UXS1: variants seen among roughly 807,000 people sequenced by gnomAD.
UXS1 encodes the protein UDP-glucuronic acid decarboxylase 1.
In UXS1, 33 loss-of-function variants were observed where a neutral mutation model predicts 62.6. The ratio of observed to expected loss-of-function variants is 0.53; its 90% CI spans 0.40 to 0.70. The LOEUF (loss-of-function observed/expected upper bound fraction) is 0.70. Ranked by LOEUF, UXS1 falls within the 30% of genes least tolerant of loss-of-function variation. The pLI is 0.00. For synonymous variants in UXS1, 213 were observed against 206.8 expected (o/e 1.03, Z -0.26); for missense variants, 434 against 556.3 (o/e 0.78, Z 2.21).
At chr2:106,095,925 G>C (rs1677042589) in intron 14 of UXS1, among the ~76,000 whole-genome samples, 1 of 152,208 alleles carries the variant, frequency 6.6e-6, no homozygotes, top group Admixed American at 6.5e-5. Flanking sequence ...GCGGGGTTCA[G>C]GCTCAGCCCC....
chr2:106,167,128 C>T (rs1008877129), intron 1 of UXS1, among the ~76,000 whole-genome samples: 5 of 152,126 alleles, frequency 3.3e-5, no homozygotes, highest in Non-Finnish European at 7.4e-5. Context: ...ATAAGTCAGC[C>T]CTGAATCAAC....
At chr2:106,145,103 T>A (rs1681456607) in intron 6 of UXS1, 87 bp downstream of exon 6, 2 of 1,440,646 alleles carry the variant, frequency 1.4e-6, no homozygotes, top group Admixed American at 2.1e-5. Flanking sequence ...ATGTGCTGAG[T>A]CAAACAGCTT....
At chr2:106,181,985 T>C (rs1430340570) in intron 1 of UXS1, among the ~76,000 whole-genome samples, 1 of 152,252 alleles carries the variant, frequency 6.6e-6, no homozygotes, top group Non-Finnish European at 1.5e-5. Context: ...AGATGGATTA[T>C]GACTTCAGGG....
At chr2:106,168,950 A>C (rs1286225615) in intron 1 of UXS1, among the ~76,000 whole-genome samples, 1 of 152,220 alleles carries the variant, frequency 6.6e-6, no homozygotes, top group African/African-American at 2.4e-5. Flanking sequence ...GTAACTGTTT[A>C]ATTTTCCTTG....
intron 4 of UXS1, among the ~76,000 whole-genome samples, chr2:106,158,681 T>C (rs1025852270): frequency 6.6e-6 from 1 of 152,190 alleles, no homozygotes; most frequent in Non-Finnish European, 1.5e-5. Context: ...GTTAGAGTTA[T>C]GGTAGGGTCT....
At chr2:106,192,749 C>A (rs1685011446) in intron 1 of UXS1, among the ~76,000 whole-genome samples, 1 of 152,134 alleles carries the variant, frequency 6.6e-6, no homozygotes, top group Admixed American at 6.5e-5. Context: ...GTGTGATCAT[C>A]CATAAATTTC....
intron 10 of UXS1, among the ~76,000 whole-genome samples, chr2:106,108,785 G>C (rs1678320471): frequency 6.6e-6 from 1 of 152,156 alleles, no homozygotes; most frequent in Non-Finnish European, 1.5e-5. Context: ...AATGTCCCCA[G>C]CCGCTGTGCT....
At chr2:106,144,870 G>A (rs572254301) in intron 6 of UXS1, among the ~76,000 whole-genome samples, 1 of 152,226 alleles carries the variant, frequency 6.6e-6, no homozygotes, top group South Asian at 2.1e-4. Context: ...GTGGGGCTTG[G>A]GATGCCAACA....
chr2:106,173,808 T>C (rs1683710014), intron 1 of UXS1, among the ~76,000 whole-genome samples: 1 of 152,236 alleles, frequency 6.6e-6, no homozygotes, highest in South Asian at 2.1e-4. Flanking sequence ...TAAGAATTGT[T>C]AAAACTTTCT....
intron 5 of UXS1, among the ~76,000 whole-genome samples, chr2:106,151,918 A>G (rs1682048001): frequency 6.6e-6 from 1 of 152,252 alleles, no homozygotes; most frequent in Non-Finnish European, 1.5e-5. Context: ...TAACAGTCTA[A>G]TATCGATTCA....
intron 9 of UXS1, among the ~76,000 whole-genome samples, chr2:106,114,613 T>G (rs1430257981): frequency 1.3e-5 from 2 of 152,216 alleles, no homozygotes; most frequent in African/African-American, 4.8e-5. Flanking sequence ...AATCAAATGC[T>G]TTTATCTTCT....
At chr2:106,116,210 A>C (rs902238941) in intron 9 of UXS1, among the ~76,000 whole-genome samples, 8 of 152,230 alleles carry the variant, frequency 5.3e-5, no homozygotes, top group Admixed American at 5.2e-4. Context: ...AGCAGGGATT[A>C]CACGGTGTAC....
intron 1 of UXS1, among the ~76,000 whole-genome samples, chr2:106,190,176 G>A (rs1403691466): frequency 2.6e-5 from 4 of 152,212 alleles, no homozygotes; most frequent in Non-Finnish European, 5.9e-5. Context: ...TAGAACACCA[G>A]CCAATTATTC....
intron 14 of UXS1, 150 bp from the exon 15 acceptor site, chr2:106,094,307 G>C: frequency 2.2e-6 from 2 of 920,638 alleles, no homozygotes; most frequent in Non-Finnish European, 3.2e-6. Flanking sequence ...TGCTTTGGTT[G>C]TGACAGCATC....
chr2:106,158,254 G>A lies in UXS1; in HGVS notation c.231-136C>T, dbSNP rs557700282. 15 of 727,182 alleles carry A rather than the reference G, an allele frequency of 2.1e-5. No homozygotes were observed. In the East Asian group the frequency reaches 3.5e-4, roughly 17 times the overall value. The allele number at this position is 727,182 out of a possible 1,614,324, so 45.0% of individuals were successfully genotyped here. A position where few individuals can be genotyped will look rare whatever the true frequency, so the allele number is the denominator to read the frequency against. ...TTCTCTCCACTCTTGAATGAGTGCTGGAGAAACCAAGGAGTCACTAGTTAA... is the reference window on the plus strand; with the variant it reads ...TTCTCTCCACTCTTGAATGAGTGCTAGAGAAACCAAGGAGTCACTAGTTAA... On this transcript the variant is annotated intron_variant, in intron 4 of 14. Coordinates refer to ENST00000283148, the MANE Select transcript of UXS1 (RefSeq NM_001253875.2).
intron 4 of UXS1, 40 bp from the exon 5 acceptor site, chr2:106,158,158 A>G (rs771811780): frequency 6.8e-7 from 1 of 1,470,898 alleles, no homozygotes; most frequent in East Asian, 2.5e-5. Context: ...AAAGTCAAAC[A>G]TCTCATTTGA....
At chr2:106,168,202 A>G (rs930839259) in intron 1 of UXS1, among the ~76,000 whole-genome samples, 1 of 152,184 alleles carries the variant, frequency 6.6e-6, no homozygotes, top group Admixed American at 6.5e-5. Flanking sequence ...CTTGCTGATA[A>G]AATAGGTTGC....
intron 13 of UXS1, chr2:106,097,055 A>C (rs1253889072): frequency 1.5e-6 from 1 of 647,948 alleles, no homozygotes; most frequent in Non-Finnish European, 2.9e-6. Flanking sequence ...GCCCAGCAAG[A>C]GCTCGGTGGG....
chr2:106,164,860 C>T, intron 2 of UXS1, 61 bp from the exon 3 acceptor site: 2 of 1,338,886 alleles, frequency 1.5e-6, no homozygotes, highest in Non-Finnish European at 2.0e-6. Context: ...GAATAAATTA[C>T]CCTAACATAA....
Sources: allele counts gnomAD v4.1 joint callset (sites outside exome capture counted in the v4.1 genomes callset), GRCh38; gene constraint gnomAD v4.1.1; transcripts MANE v1.5; gene names NCBI Gene and HGNC (gene_info 2026-07-23, HGNC 2026-07-21).